STK17B: variants seen among roughly 807,000 people sequenced by gnomAD.
The protein encoded by STK17B is serine/threonine kinase 17b.
Under a neutral mutation model 42.0 loss-of-function variants are expected in STK17B, and 21 were observed. That is an observed-to-expected ratio of 0.50 (90% CI 0.35 to 0.72). The LOEUF (loss-of-function observed/expected upper bound fraction) is 0.72. Ranked by LOEUF, STK17B falls within the 30% of genes least tolerant of loss-of-function variation. The probability of loss-of-function intolerance (pLI) is 0.00; values close to 1 mark genes in which losing one functional copy is unlikely to be tolerated. For missense variants in STK17B, 349 were observed against 446.0 expected (o/e 0.78, Z 1.96); for synonymous variants, 143 against 148.4 (o/e 0.96, Z 0.26).
intron 6 of STK17B, among the ~76,000 whole-genome samples, chr2:196,140,577 C>CTTTTTTTTT (rs58205758): frequency 9.9e-6 from 1 of 101,478 alleles, no homozygotes; most frequent in African/African-American, 3.6e-5. Flanking sequence ...CTTCTTCTAG[C>CTTTTTTTTT]TTTTTTTTTT....
At chr2:196,162,901 A>T (rs77334971) in intron 2 of STK17B, among the ~76,000 whole-genome samples, 226 of 152,236 alleles carry the variant, frequency 1.5e-3, no homozygotes, top group African/African-American at 5.2e-3. Flanking sequence ...AACAAAAATT[A>T]AAAAAAGAGG....
Position 196,152,129 on chromosome 2 carries a change from C to T in STK17B, c.335+4310G>A, listed in dbSNP as rs527387952. On this transcript the variant is annotated intron_variant, in intron 3 of 7. Coordinates refer to ENST00000263955, the MANE Select transcript of STK17B (RefSeq NM_004226.4). ...TGCCTTTTTTTTTTTTTTTTTGAGA[C>T]GAAGTCTCGCTCTATTGCCCAGCCT... Among the ~76,000 whole-genome samples, 19 of 137,142 alleles carry T rather than the reference C, an allele frequency of 1.4e-4. No homozygotes were observed. In the East Asian group the frequency reaches 2.8e-3, roughly 20 times the overall value. 90.0% of individuals were successfully genotyped at this position (137,142 alleles called of 152,430 possible).
intron 1 of STK17B, among the ~76,000 whole-genome samples, chr2:196,170,241 G>C (rs1428921277): frequency 6.6e-6 from 1 of 152,154 alleles, no homozygotes; most frequent in Non-Finnish European, 1.5e-5. Flanking sequence ...TACATACGCT[G>C]CCACTCATTT....
upstream of STK17B, among the ~76,000 whole-genome samples, chr2:196,173,441 C>T (rs1699971068): frequency 6.6e-6 from 1 of 152,100 alleles, no homozygotes; most frequent in South Asian, 2.1e-4. Context: ...GATTGTTAAC[C>T]CTTGTGCCTG....
Position 196,158,580 on chromosome 2 carries a change from C to T in STK17B, c.123-1929G>A, listed in dbSNP as rs186935006. Among the ~76,000 whole-genome samples, 274 of 152,252 alleles carry T rather than the reference C, an allele frequency of 1.8e-3. 1 individual carries two copies. The highest frequency in any genetic ancestry group is 6.3e-3 in the African/African-American group (261 of 41,542). ...CCACTGGTGTTTCATAAATTTTATA[C>T]TGGATAAATTGAGTCAGAATAAGAT... On this transcript the variant is annotated intron_variant, in intron 2 of 7. Transcript: ENST00000263955.
intron 7 of STK17B, among the ~76,000 whole-genome samples, chr2:196,138,317 A>G (rs538512741): frequency 5.9e-5 from 9 of 152,308 alleles, no homozygotes; most frequent in African/African-American, 2.2e-4. Context: ...ATTTTTCCAC[A>G]TCAGTACAGA....
chr2:196,137,272 T>G lies in STK17B; in HGVS notation c.*175A>C. On this transcript the variant is annotated 3_prime_UTR_variant, in exon 8 of 8. Transcript: ENST00000263955. ...TTATCTGCAGAGCTATCTCAGGATA[T>G]GAAATCATAACATGCTAGCAACTAG... 3.1e-6 allele frequency: 2 copies of G among 638,026 alleles called. No homozygotes were observed. The highest frequency in any genetic ancestry group is 5.9e-5 in the East Asian group (2 of 34,030). The allele number at this position is 638,026 out of a possible 1,614,324, so 39.5% of individuals were successfully genotyped here. A position where few individuals can be genotyped will look rare whatever the true frequency, so the allele number is the denominator to read the frequency against.
At chr2:196,169,634 C>G (rs1006578240) in intron 1 of STK17B, among the ~76,000 whole-genome samples, 1 of 152,130 alleles carries the variant, frequency 6.6e-6, no homozygotes, top group Admixed American at 6.5e-5. Context: ...TTAGAAACGT[C>G]AGCCATAAAA....
rs58205758 is a variant in STK17B, at chr2:196,140,577, CTTTTT to C, written c.656+667_656+671del. Among the ~76,000 whole-genome samples the C allele has an allele frequency of 6.9e-5, 7 of 101,470 alleles. No individual in the cohort carries two copies. The East Asian group carries it at 9.1e-4, about 13-fold the overall frequency. The allele number at this position is 101,470 out of a possible 152,430, so 66.6% of individuals were successfully genotyped here. A position where few individuals can be genotyped will look rare whatever the true frequency, so the allele number is the denominator to read the frequency against. ...CTGCTTAACAAATACCTTCTTCTAG[CTTTTT>C]TTTTTTTTTTTTTTTTTTGTCACCC... On this transcript the variant is annotated intron_variant, in intron 6 of 7. Coordinates refer to ENST00000263955, the MANE Select transcript of STK17B (RefSeq NM_004226.4).
intron 5 of STK17B, among the ~76,000 whole-genome samples, chr2:196,143,271 T>C (rs1412657092): frequency 6.6e-6 from 1 of 152,204 alleles, no homozygotes; most frequent in Non-Finnish European, 1.5e-5. Flanking sequence ...TTTCCCTAAC[T>C]TCCCTCTTAC....
intron 6 of STK17B, among the ~76,000 whole-genome samples, chr2:196,140,577 C>CTTTTT (rs58205758): frequency 3.0e-5 from 3 of 101,476 alleles, no homozygotes; most frequent in East Asian, 3.0e-4. Context: ...CTTCTTCTAG[C>CTTTTT]TTTTTTTTTT....
Position 196,134,744 on chromosome 2 carries a change from T to C in STK17B, c.*2703A>G, listed in dbSNP as rs186413588. ...TTAGGGATCCTACCCAAAAAGCAAA[T>C]TTAACTTTAAATTATCACAACATAA... is the stretch of plus-strand genomic sequence containing the variant. On this transcript the variant is annotated 3_prime_UTR_variant, in exon 8 of 8. Coordinates refer to ENST00000263955, the MANE Select transcript of STK17B (RefSeq NM_004226.4). 6.9e-4 allele frequency: 105 copies of C among 152,284 alleles called. 1 individual carries two copies. Among genetic ancestry groups the C allele is most frequent in the African/African-American group, 2.5e-3 (102 of 41,556 alleles). The allele number at this position is 152,284 out of a possible 1,614,324, so 9.4% of individuals were successfully genotyped here. A position where few individuals can be genotyped will look rare whatever the true frequency, so the allele number is the denominator to read the frequency against.
chr2:196,139,913 GATTTAC>G, intron 6 of STK17B, 114 bp from the exon 7 acceptor site: 2 of 676,808 alleles, frequency 3.0e-6, no homozygotes, highest in Non-Finnish European at 4.3e-6. Flanking sequence ...TTAAACTACA[GATTTAC>G]ATTGCTTTTC....
At chr2:196,169,655 C>T (rs995791853) in intron 1 of STK17B, among the ~76,000 whole-genome samples, 2 of 152,132 alleles carry the variant, frequency 1.3e-5, no homozygotes, top group African/African-American at 2.4e-5. Flanking sequence ...ATGCTTGTAT[C>T]TTCTTCAAAT....
At chr2:196,173,775 A>C (rs1003218782), upstream of STK17B, among the ~76,000 whole-genome samples, 1 of 152,172 alleles carries the variant, frequency 6.6e-6, no homozygotes, top group Non-Finnish European at 1.5e-5. Flanking sequence ...CTTGAATGAC[A>C]CATTCCGACC....
At chr2:196,163,572 C>T in intron 1 of STK17B, 145 bp from the exon 2 acceptor site, 1 of 547,688 alleles carries the variant, frequency 1.8e-6, no homozygotes, top group African/African-American at 2.0e-5. Flanking sequence ...GAGGAAAAAA[C>T]AAAAAGCATA....
At position 196,140,985 on chromosome 2, in the gene STK17B, CTGCAAGTATTTTG is replaced by C. The variant is rs2105677302; in HGVS notation, c.656+251_656+263del. Among the ~76,000 whole-genome samples, 3 of 152,288 alleles carry C rather than the reference CTGCAAGTATTTTG, an allele frequency of 2.0e-5. No homozygotes were observed. The East Asian group carries it at 5.8e-4, about 29-fold the overall frequency. ...TCATCATAAAATATGTAGCAATGTA[CTGCAAGTATTTTG>C]TTCTTTTACTCAACTGAGTTTTCAT... On this transcript the variant is annotated intron_variant, in intron 6 of 7. Transcript: ENST00000263955.
upstream of STK17B, among the ~76,000 whole-genome samples, chr2:196,171,755 T>G (rs1480935695): frequency 7.7e-6 from 1 of 130,156 alleles, no homozygotes; most frequent in African/African-American, 2.9e-5. Context: ...GGCGCCTGGC[T>G]GGCCCGAGGC....
chr2:196,159,019 A>C (rs1699776834), intron 2 of STK17B, among the ~76,000 whole-genome samples: 1 of 151,632 alleles, frequency 6.6e-6, no homozygotes, highest in East Asian at 1.9e-4. Context: ...TCAAAAAAAA[A>C]AAAAACAAAA....
Sources: gnomAD v4.1 joint callset for allele counts (sites outside exome capture counted in the v4.1 genomes callset) on GRCh38, gnomAD v4.1.1 for gene constraint, MANE v1.5 for transcripts, NCBI Gene and HGNC (gene_info 2026-07-23, HGNC 2026-07-21) for gene names.